SASH1: variants seen among roughly 807,000 people sequenced by gnomAD.
SASH1 encodes the protein SAM and SH3 domain containing 1.
In SASH1, 44 loss-of-function variants were observed where a neutral mutation model predicts 125.2. The observed-to-expected ratio is 0.35, with a 90% confidence interval of 0.28 to 0.45. The LOEUF (loss-of-function observed/expected upper bound fraction) is 0.45. Among genes scored for constraint, SASH1 ranks in the 20% least tolerant of loss-of-function variants. The pLI is 1.00. For missense variants in SASH1, 1,426 were observed against 1,614.5 expected, an observed-to-expected ratio of 0.88 and a Z score of 2.00; for synonymous variants, 639 against 649.1, an observed-to-expected ratio of 0.98 and a Z score of 0.24.
chr6:148,488,214 A>G (rs1284604871), intron 8 of SASH1, among the ~76,000 whole-genome samples: 1 of 152,156 alleles, frequency 6.6e-6, no homozygotes, highest in Non-Finnish European at 1.5e-5. Context: ...GACACCTCTC[A>G]ATAGCTCATG....
At chr6:148,405,657 G>C (rs1168771628) in intron 2 of SASH1, among the ~76,000 whole-genome samples, 1 of 151,942 alleles carries the variant, frequency 6.6e-6, no homozygotes, top group Non-Finnish European at 1.5e-5. Flanking sequence ...GGTCCTCACT[G>C]CCTCTACCGC....
intron 8 of SASH1, chr6:148,512,812 C>T (rs1488159221): frequency 2.0e-6 from 2 of 984,990 alleles, no homozygotes; most frequent in Non-Finnish European, 2.4e-6. Context: ...TATTAATACA[C>T]TTTACAGAAG....
chr6:148,194,151 T>A, the SASH1 span, among the ~76,000 whole-genome samples: 1 of 152,216 alleles, frequency 6.6e-6, no homozygotes, highest in South Asian at 2.1e-4. Context: ...GACCAAGAAC[T>A]GCTGAGTTTA....
At chr6:148,274,767 G>A (rs1464870945) in intron 1 of SASH1, among the ~76,000 whole-genome samples, 1 of 152,088 alleles carries the variant, frequency 6.6e-6, no homozygotes, top group Non-Finnish European at 1.5e-5. Context: ...TCAGAAGTTT[G>A]GGGAGAAAAT....
chr6:148,287,295 T>C (rs536353360), intron 1 of SASH1, among the ~76,000 whole-genome samples: 2 of 152,308 alleles, frequency 1.3e-5, no homozygotes, highest in African/African-American at 2.4e-5. Flanking sequence ...GGGCCAATAG[T>C]CCCTACGCCT....
intron 1 of SASH1, among the ~76,000 whole-genome samples, chr6:148,387,616 C>CCT (rs1783478899): frequency 4.8e-5 from 1 of 21,002 alleles, no homozygotes; most frequent in African/African-American, 2.0e-4. Flanking sequence ...TTCTTTCTTT[C>CCT]TTTCTTTCTT....
At chr6:148,449,510 C>A (rs1776990425) in intron 4 of SASH1, among the ~76,000 whole-genome samples, 1 of 151,944 alleles carries the variant, frequency 6.6e-6, no homozygotes, top group Non-Finnish European at 1.5e-5. Context: ...GCCTCAGCCT[C>A]CCGAGTAGCT....
intron 11 of SASH1, among the ~76,000 whole-genome samples, chr6:148,526,087 C>T (rs1477024440): frequency 2.4e-5 from 3 of 125,888 alleles, no homozygotes; most frequent in Non-Finnish European, 3.2e-5. Context: ...AAGATGGAGT[C>T]TCGCTCTGTA....
chr6:148,350,876 T>C (rs1282633690), intron 1 of SASH1, among the ~76,000 whole-genome samples: 3 of 152,270 alleles, frequency 2.0e-5, no homozygotes, highest in African/African-American at 7.2e-5. Flanking sequence ...TTTCAAATGA[T>C]ATGCTCATCT....
chr6:148,236,915 A>G, the SASH1 span, among the ~76,000 whole-genome samples: 1 of 152,132 alleles, frequency 6.6e-6, no homozygotes, highest in Non-Finnish European at 1.5e-5. Flanking sequence ...GTGGATTATA[A>G]AAGGGCTGGG....
chr6:148,195,977 A>T, the SASH1 span, among the ~76,000 whole-genome samples: 1 of 150,744 alleles, frequency 6.6e-6, no homozygotes, highest in Non-Finnish European at 1.5e-5. Context: ...AGACATAGAG[A>T]TTTAATAACA....
intron 4 of SASH1, among the ~76,000 whole-genome samples, chr6:148,460,482 C>T (rs1047735582): frequency 1.3e-4 from 20 of 152,286 alleles, no homozygotes; most frequent in Non-Finnish European, 2.5e-4. Flanking sequence ...TTAGAGTCAA[C>T]GTCCACACTT....
chr6:148,473,272 A>G (rs1415475674), intron 6 of SASH1, among the ~76,000 whole-genome samples: 1 of 152,066 alleles, frequency 6.6e-6, no homozygotes, highest in East Asian at 1.9e-4. Context: ...TTTTGTCTTC[A>G]GATGGAGTCT....
Position 148,456,659 on chromosome 6 carries a change from G to A in SASH1, c.387-11886G>A, listed in dbSNP as rs112322632. Reference sequence around the variant, plus strand: ...GTGGATTGCTTGAGCCCAGGAGTTCGAGACCAGCCTGGGCAACATGGCGAA... The same window carrying A: ...GTGGATTGCTTGAGCCCAGGAGTTCAAGACCAGCCTGGGCAACATGGCGAA... On this transcript the variant is annotated intron_variant, in intron 4 of 19. Transcript: ENST00000367467. Among the ~76,000 whole-genome samples the A allele has an allele frequency of 5.1e-3, 775 of 152,108 alleles. 7 individuals are homozygous for A. Among genetic ancestry groups the A allele is most frequent in the African/African-American group, 0.018 (735 of 41,508 alleles).
chr6:148,238,625 T>TACACAC, the SASH1 span, among the ~76,000 whole-genome samples: 9 of 149,446 alleles, frequency 6.0e-5, no homozygotes, highest in Non-Finnish European at 6.0e-5. Context: ...TACACACACA[T>TACACAC]ACACACACAC....
At chr6:148,438,371 C>T (rs1261924411) in intron 2 of SASH1, among the ~76,000 whole-genome samples, 1 of 152,192 alleles carries the variant, frequency 6.6e-6, no homozygotes, top group Non-Finnish European at 1.5e-5. Flanking sequence ...TATATATCCC[C>T]TTTGTTAACT....
chr6:148,482,329 ATAAT>A (rs1778663820), intron 7 of SASH1, among the ~76,000 whole-genome samples: 1 of 152,248 alleles, frequency 6.6e-6, no homozygotes, highest in African/African-American at 2.4e-5. Context: ...TTCCTTAAAA[ATAAT>A]TATTTATACT....
At chr6:148,305,682 T>G (rs1484409654) in intron 1 of SASH1, among the ~76,000 whole-genome samples, 1 of 148,872 alleles carries the variant, frequency 6.7e-6, no homozygotes, top group Non-Finnish European at 1.5e-5. Context: ...TCTCTTTCAG[T>G]CAGGATTCAG....
chr6:148,399,775 G>A (rs1053344448), intron 2 of SASH1, among the ~76,000 whole-genome samples: 2 of 152,158 alleles, frequency 1.3e-5, no homozygotes, highest in South Asian at 4.1e-4. Flanking sequence ...GAACCTAGCA[G>A]GTATCCAGGG....
Sources: allele counts gnomAD v4.1 joint callset (sites outside exome capture counted in the v4.1 genomes callset), GRCh38; gene constraint gnomAD v4.1.1; transcripts MANE v1.5; gene names NCBI Gene and HGNC (gene_info 2026-07-23, HGNC 2026-07-21).